SIRPG: variants seen among roughly 807,000 people sequenced by gnomAD.
The protein encoded by SIRPG is signal-regulatory protein gamma.
In SIRPG, 38 loss-of-function variants were observed where a neutral mutation model predicts 35.7. That is an observed-to-expected ratio of 1.06 (90% CI 0.82 to 1.40). The LOEUF (loss-of-function observed/expected upper bound fraction) is 1.40. SIRPG is among the 40% of genes most tolerant of loss of function. The pLI, the probability that SIRPG is intolerant of heterozygous loss-of-function variation, is 0.00. For missense variants in SIRPG, 519 were observed against 483.0 expected (o/e 1.07, Z -0.70); for synonymous variants, 215 against 190.4 (o/e 1.13, Z -1.06).
the SIRPG span, among the ~76,000 whole-genome samples, chr20:1,664,429 G>A: frequency 3.4e-3 from 519 of 152,274 alleles, no homozygotes; most frequent in Middle Eastern, 6.8e-3. Flanking sequence ...AATAAGTACG[G>A]AAAAGCTGGA....
At chr20:1,678,332 A>T in the SIRPG span, among the ~76,000 whole-genome samples, 1 of 152,238 alleles carries the variant, frequency 6.6e-6, no homozygotes, top group East Asian at 1.9e-4. Flanking sequence ...TAGACAAACA[A>T]CTAAAATAAT....
At chr20:1,644,237 A>T (rs1173445032) in intron 2 of SIRPG, among the ~76,000 whole-genome samples, 2 of 151,480 alleles carry the variant, frequency 1.3e-5, no homozygotes, top group South Asian at 2.1e-4. Flanking sequence ...GCCCAGGGAG[A>T]TCAGAGTTCT....
upstream of SIRPG, among the ~76,000 whole-genome samples, chr20:1,658,451 G>A (rs545223371): frequency 2.6e-4 from 39 of 152,248 alleles, no homozygotes; most frequent in South Asian, 7.7e-3. Context: ...AGATTATGGT[G>A]GGCAGGTTCC....
the SIRPG span, among the ~76,000 whole-genome samples, chr20:1,679,550 C>T: frequency 3.9e-5 from 6 of 152,068 alleles, no homozygotes; most frequent in African/African-American, 1.4e-4. Flanking sequence ...TTGGTTGAGC[C>T]TGCTTCACGG....
upstream of SIRPG, among the ~76,000 whole-genome samples, chr20:1,659,372 GT>G (rs2091990204): frequency 6.6e-6 from 1 of 152,204 alleles, no homozygotes; most frequent in Non-Finnish European, 1.5e-5. Context: ...TGTACACAGG[GT>G]GAAATCTTCC....
the SIRPG span, among the ~76,000 whole-genome samples, chr20:1,676,370 T>C: frequency 6.6e-6 from 1 of 152,188 alleles, no homozygotes; most frequent in East Asian, 1.9e-4. Flanking sequence ...TAGTTCAACA[T>C]TGGGAGCAAC....
the SIRPG span, among the ~76,000 whole-genome samples, chr20:1,681,996 A>G: frequency 6.6e-6 from 1 of 152,242 alleles, no homozygotes; most frequent in African/African-American, 2.4e-5. Flanking sequence ...TATAGATGCT[A>G]TAGGCCGAAG....
At chr20:1,674,614 C>A in the SIRPG span, among the ~76,000 whole-genome samples, 1 of 152,204 alleles carries the variant, frequency 6.6e-6, no homozygotes, top group African/African-American at 2.4e-5. Flanking sequence ...TCAGTAATAA[C>A]CTGAACAACA....
the SIRPG span, among the ~76,000 whole-genome samples, chr20:1,667,356 A>G: frequency 6.6e-6 from 1 of 152,202 alleles, no homozygotes; most frequent in Admixed American, 6.5e-5. Context: ...TTATGTAAGT[A>G]CACTTTGTGA....
At chr20:1,666,126 GAAAA>G in the SIRPG span, among the ~76,000 whole-genome samples, 1 of 116,868 alleles carries the variant, frequency 8.6e-6, no homozygotes, top group Middle Eastern at 4.2e-3. Context: ...GTTTAAAAAA[GAAAA>G]AAAAAAAAGA....
the SIRPG span, among the ~76,000 whole-genome samples, chr20:1,677,725 A>C: frequency 1.3e-5 from 2 of 152,232 alleles, no homozygotes; most frequent in Non-Finnish European, 2.9e-5. Flanking sequence ...AGAAAAGTCA[A>C]GTATGTAAAG....
chr20:1,678,929 G>C, the SIRPG span, among the ~76,000 whole-genome samples: 1 of 152,206 alleles, frequency 6.6e-6, no homozygotes, highest in Non-Finnish European at 1.5e-5. Context: ...ACAGAGGAAT[G>C]ATATGTTTAA....
At chr20:1,657,485 G>T (rs1384431550) in intron 1 of SIRPG, among the ~76,000 whole-genome samples, 157 bp downstream of exon 1, 1 of 152,240 alleles carries the variant, frequency 6.6e-6, no homozygotes, top group Admixed American at 6.5e-5. Flanking sequence ...GATCCACAGA[G>T]AAAGTGCTCA....
chr20:1,658,467 C>T (rs990480132), upstream of SIRPG, among the ~76,000 whole-genome samples: 5 of 152,038 alleles, frequency 3.3e-5, no homozygotes, highest in African/African-American at 1.2e-4. Flanking sequence ...GTTCCTGGGG[C>T]CGTCGCATCA....
chr20:1,643,299 A>G (rs963688728), intron 2 of SIRPG, among the ~76,000 whole-genome samples: 2 of 151,744 alleles, frequency 1.3e-5, no homozygotes, highest in African/African-American at 4.8e-5. Context: ...TCTTGTCCGC[A>G]TGTCTTATTT....
chr20:1,672,679 C>A, the SIRPG span, among the ~76,000 whole-genome samples: 1 of 152,290 alleles, frequency 6.6e-6, no homozygotes, highest in East Asian at 1.9e-4. Flanking sequence ...ACTCTGTATA[C>A]CCAAAGTACA....
chr20:1,637,008 T>A (rs1261714285), intron 2 of SIRPG, among the ~76,000 whole-genome samples: 2 of 152,122 alleles, frequency 1.3e-5, no homozygotes, highest in African/African-American at 2.4e-5. Context: ...GACAGCAGCA[T>A]TTTCCCTTCC....
Position 1,649,126 on chromosome 20 carries a change from C to T in SIRPG, c.356G>A (p.Cys119Tyr). The change falls in exon 2 of 6, where the codon TGT becomes TAT. Residue 119 changes from cysteine to tyrosine, a missense_variant. Coordinates refer to ENST00000303415, the MANE Select transcript of SIRPG (RefSeq NM_018556.4). The part of the protein sequence containing the change: ...ITPADVGTYY[C>Y]VKFRKGSPEN... ...AGGGCTCCCTTTTCGAAACTTCACA[C>T]AGTAGTATGTGCCGACATCTGCTGG... 1.2e-6 allele frequency: 2 copies of T among 1,613,974 alleles called. No individual in the cohort carries two copies. Among genetic ancestry groups the T allele is most frequent in the Non-Finnish European group, 1.7e-6 (2 of 1,179,910 alleles).
At chr20:1,656,788 C>T (rs1020975438) in intron 1 of SIRPG, among the ~76,000 whole-genome samples, 9 of 152,176 alleles carry the variant, frequency 5.9e-5, no homozygotes, top group African/African-American at 1.4e-4. Context: ...GCCCCCAAAA[C>T]GAATGGGTTG....
Sources: allele counts gnomAD v4.1 joint callset (sites outside exome capture counted in the v4.1 genomes callset), GRCh38; gene constraint gnomAD v4.1.1; transcripts MANE v1.5; gene names NCBI Gene and HGNC (gene_info 2026-07-23, HGNC 2026-07-21).